The following DPP10 variants were observed in gnomAD, a reference collection of about 807,000 sequenced individuals.
The protein encoded by DPP10 is dipeptidyl peptidase like 10, also known as inactive dipeptidyl peptidase 10.
DPP10 carries 33 observed loss-of-function variants against 120.9 expected under a neutral mutation model. That is an observed-to-expected ratio of 0.27 (90% confidence interval 0.21 to 0.37). The LOEUF (loss-of-function observed/expected upper bound fraction) is 0.37, where lower values mean the gene tolerates loss of function less well. DPP10 is among the 10% of genes least tolerant of loss of function. The pLI, the probability that DPP10 is intolerant of heterozygous loss-of-function variation, is 1.00. For missense variants in DPP10, 816 were observed against 942.8 expected (o/e 0.87, Z 1.76); for synonymous variants, 337 against 326.1 (o/e 1.03, Z -0.36).
In DPP10 at chr2:114,772,761, T is replaced by C. The variant is rs1043264714; in HGVS notation, c.60+329923T>C. ...AGGACCATCTCCTGGTGGCTAACCATGAATTGTTTCCTTTCATGATTTTTT... is the reference window on the plus strand; with the variant it reads ...AGGACCATCTCCTGGTGGCTAACCACGAATTGTTTCCTTTCATGATTTTTT... On this transcript the variant is annotated intron_variant, in intron 1 of 25. Transcript: ENST00000410059. Among the ~76,000 whole-genome samples the C allele has an allele frequency of 4.6e-5, 7 of 152,048 alleles. No homozygotes were observed. In the East Asian group the frequency reaches 9.7e-4, roughly 21 times the overall value.
chr2:114,510,616 AAAAAAAC>A (rs1684061283), intron 1 of DPP10, among the ~76,000 whole-genome samples: 1 of 152,096 alleles, frequency 6.6e-6, no homozygotes, highest in Non-Finnish European at 1.5e-5. Flanking sequence ...AAAACAAAAC[AAAAAAAC>A]AAAAAACAAA....
At chr2:114,812,952 AT>A (rs1323495669) in intron 1 of DPP10, among the ~76,000 whole-genome samples, 1 of 152,166 alleles carries the variant, frequency 6.6e-6, no homozygotes, top group Non-Finnish European at 1.5e-5. Context: ...ATTTTTTAAG[AT>A]GCGATGGTTT....
At chr2:114,655,714 T>TACACACAAAA (rs1420396805) in intron 1 of DPP10, among the ~76,000 whole-genome samples, 1 of 152,146 alleles carries the variant, frequency 6.6e-6, no homozygotes, top group African/African-American at 2.4e-5. Context: ...CTTACATAAT[T>TACACACAAAA]AAATATGGTT....
rs571244798 is a variant in DPP10 at position 114,739,495 on chromosome 2, C to T, written c.60+296657C>T. On this transcript the variant is annotated intron_variant, in intron 1 of 25. Transcript: ENST00000410059. ...CCAACATAGCAAAACCCCATCTCTA[C>T]TAAAAATACAAAAAGTAACCAAGTG... 1.8e-4 allele frequency among the ~76,000 whole-genome samples: 28 copies of T among 152,164 alleles called. No homozygotes were observed. In the South Asian group the frequency reaches 4.8e-3, roughly 26 times the overall value.
intron 1 of DPP10, among the ~76,000 whole-genome samples, chr2:114,586,350 T>A (rs973544559): frequency 1.3e-5 from 2 of 152,180 alleles, no homozygotes; most frequent in Non-Finnish European, 2.9e-5. Flanking sequence ...ATATTTGCCA[T>A]ATAATATGGG....
intron 1 of DPP10, among the ~76,000 whole-genome samples, chr2:115,103,178 TTC>T: frequency 4.0e-5 from 6 of 150,026 alleles, no homozygotes; most frequent in African/African-American, 1.5e-4. Context: ...ATGATTCTGA[TTC>T]TCTCTTTTTT....
intron 3 of DPP10, among the ~76,000 whole-genome samples, chr2:115,484,882 T>C (rs2075671467): frequency 6.6e-6 from 1 of 152,136 alleles, no homozygotes; most frequent in Admixed American, 6.6e-5. Flanking sequence ...CAATGACTTA[T>C]CTATCAATTC....
intron 1 of DPP10, among the ~76,000 whole-genome samples, chr2:115,168,002 G>T (rs1208716051): frequency 6.6e-6 from 1 of 152,112 alleles, no homozygotes; most frequent in Non-Finnish European, 1.5e-5. Context: ...TTAAAGGAAA[G>T]ACAGATGGGA....
intron 1 of DPP10, among the ~76,000 whole-genome samples, chr2:115,057,039 C>G (rs1705977993): frequency 6.6e-6 from 1 of 152,188 alleles, no homozygotes; most frequent in African/African-American, 2.4e-5. Context: ...TTTCCCCACT[C>G]CCTCATCCCC....
At chr2:114,591,272 T>C (rs891039107) in intron 1 of DPP10, among the ~76,000 whole-genome samples, 2 of 152,226 alleles carry the variant, frequency 1.3e-5, no homozygotes, top group Non-Finnish European at 2.9e-5. Flanking sequence ...TCAGAAGTTT[T>C]AAAAGCAAGA....
chr2:114,884,517 A>T (rs905241593), intron 1 of DPP10, among the ~76,000 whole-genome samples: 3 of 152,000 alleles, frequency 2.0e-5, no homozygotes, highest in Non-Finnish European at 4.4e-5. Flanking sequence ...TCTCCATCAC[A>T]CCAATCTGAC....
At chr2:115,056,713 C>T (rs78290663) in intron 1 of DPP10, among the ~76,000 whole-genome samples, 1 of 152,084 alleles carries the variant, frequency 6.6e-6, no homozygotes, top group South Asian at 2.1e-4. Flanking sequence ...GCTACACATC[C>T]TCTCTCTCCA....
At position 115,782,585 on chromosome 2, in the gene DPP10, A is replaced by G. The variant is rs568776668; in HGVS notation, c.1531+186A>G. Among the ~76,000 whole-genome samples the G allele has an allele frequency of 2.7e-4, 41 of 152,190 alleles. 1 individual carries two copies. The highest frequency in any genetic ancestry group is 1.2e-3 in the South Asian group (6 of 4,832). On this transcript the variant is annotated intron_variant, in intron 17 of 25. Transcript: ENST00000410059. Reference sequence around the variant, plus strand: ...GAGAAACAGTAAAGCAAGAGATATGAGCCATGTTACAGGTGGGAGGTGAAT... The same window carrying G: ...GAGAAACAGTAAAGCAAGAGATATGGGCCATGTTACAGGTGGGAGGTGAAT...
At chr2:115,642,300 T>C (rs2086849404) in intron 5 of DPP10, among the ~76,000 whole-genome samples, 1 of 152,094 alleles carries the variant, frequency 6.6e-6, no homozygotes, top group Non-Finnish European at 1.5e-5. Flanking sequence ...TGACAGTGCT[T>C]TTTTGGATGA....
intron 5 of DPP10, among the ~76,000 whole-genome samples, chr2:115,619,304 T>C (rs2084769023): frequency 1.3e-5 from 2 of 151,400 alleles, no homozygotes; most frequent in Admixed American, 6.6e-5. Flanking sequence ...CTTGATCTCC[T>C]GACCTCATGA....
intron 1 of DPP10, among the ~76,000 whole-genome samples, chr2:114,775,834 T>C (rs1463060003): frequency 1.3e-5 from 2 of 152,202 alleles, no homozygotes; most frequent in Non-Finnish European, 2.9e-5. Flanking sequence ...ATGAATCATG[T>C]ACTGTTCAAG....
chr2:115,173,395 G>A (rs1200336222), intron 1 of DPP10, among the ~76,000 whole-genome samples: 3 of 152,164 alleles, frequency 2.0e-5, no homozygotes, highest in Admixed American at 1.3e-4. Context: ...GTTTGAAGAT[G>A]TGCAGCATAA....
chr2:115,232,651 C>T (rs1224679861), intron 1 of DPP10, among the ~76,000 whole-genome samples: 2 of 152,268 alleles, frequency 1.3e-5, no homozygotes, highest in African/African-American at 4.8e-5. Context: ...GCATTATCCT[C>T]ACACAAGGCA....
At position 115,181,902 on chromosome 2, in the gene DPP10, T is replaced by C. The variant is rs548660551; in HGVS notation, c.61-127337T>C. Among the ~76,000 whole-genome samples the C allele has an allele frequency of 4.6e-5, 7 of 152,306 alleles. No homozygotes were observed. The East Asian group carries it at 1.3e-3, about 29-fold the overall frequency. On this transcript the variant is annotated intron_variant, in intron 1 of 25. Coordinates refer to ENST00000410059, the MANE Select transcript of DPP10 (RefSeq NM_020868.6). ...AAAAATATTATAAGGATAAAAGCGA[T>C]GTCATGATGTCAGTGCTGTATTCAG...
Sources: allele counts gnomAD v4.1 joint callset (sites outside exome capture counted in the v4.1 genomes callset), GRCh38; gene constraint gnomAD v4.1.1; transcripts MANE v1.5; gene names NCBI Gene and HGNC (gene_info 2026-07-23, HGNC 2026-07-21).